The following THSD4 variants were observed in gnomAD, a reference collection of about 807,000 sequenced individuals.
THSD4 encodes thrombospondin type 1 domain containing 4.
A neutral mutation model predicts 119.0 loss-of-function variants in THSD4; 69 were observed. The ratio of observed to expected loss-of-function variants is 0.58; its 90% CI spans 0.48 to 0.71. THSD4 has a LOEUF of 0.71. Among genes scored for constraint, THSD4 ranks in the 30% least tolerant of loss-of-function variants. The pLI is 0.00. For synonymous variants in THSD4, 524 were observed against 540.4 expected (o/e 0.97, Z 0.42); for missense variants, 1,393 against 1,391.1 (o/e 1.00, Z -0.02).
chr15:71,514,781 T>C (rs1201589984), intron 7 of THSD4, among the ~76,000 whole-genome samples: 2 of 152,204 alleles, frequency 1.3e-5, no homozygotes, highest in Non-Finnish European at 2.9e-5. Context: ...AAAAATGGGA[T>C]CATATACTAT....
rs1595906604 is a variant in THSD4 at position 71,587,007 on chromosome 15, T to C, written c.1153-73523T>C. On this transcript the variant is annotated intron_variant, in intron 7 of 17. Transcript: ENST00000261862. ...ATAGCTGTGATCTCATTTTCTCTTT[T>C]AAAAACCAAAAAACATGCTCATCAT... Among the ~76,000 whole-genome samples, 4 of 152,204 alleles carry C rather than the reference T, an allele frequency of 2.6e-5. 1 individual carries two copies. The highest frequency in any genetic ancestry group is 9.6e-5 in the African/African-American group (4 of 41,532).
intron 3 of THSD4, among the ~76,000 whole-genome samples, chr15:71,194,355 C>G (rs1348119425): frequency 6.6e-6 from 1 of 152,198 alleles, no homozygotes; most frequent in South Asian, 2.1e-4. Context: ...GTTGCCTCCT[C>G]CAGCTTTGCC....
intron 7 of THSD4, among the ~76,000 whole-genome samples, chr15:71,490,810 A>G (rs2047906934): frequency 6.6e-6 from 1 of 152,308 alleles, no homozygotes; most frequent in African/African-American, 2.4e-5. Context: ...GTCTACTGCT[A>G]CCTGTTTCGG....
intron 8 of THSD4, among the ~76,000 whole-genome samples, chr15:71,682,920 CTTTT>C (rs71154794): frequency 1.9e-5 from 1 of 53,528 alleles, no homozygotes; most frequent in African/African-American, 6.2e-5. Context: ...TCTTCTTCTT[CTTTT>C]TTTTTTTTTT....
rs1409616867 is a variant in THSD4 at position 71,544,352 on chromosome 15, T to C, written c.1153-116178T>C. 2.0e-5 allele frequency among the ~76,000 whole-genome samples: 3 copies of C among 152,190 alleles called. No homozygotes were observed. In the East Asian group the frequency reaches 5.8e-4, roughly 29 times the overall value. ...AAAGTTTTTAAAATAATTTTAGTAA[T>C]ACTGGGCTCATAGTGCTCAACGAAT... On this transcript the variant is annotated intron_variant, in intron 7 of 17. Coordinates refer to ENST00000261862, the MANE Select transcript of THSD4 (RefSeq NM_024817.3).
chr15:71,265,417 C>G (rs972897909), intron 6 of THSD4, among the ~76,000 whole-genome samples: 4 of 152,116 alleles, frequency 2.6e-5, no homozygotes, highest in African/African-American at 7.2e-5. Flanking sequence ...ATGGTGCACT[C>G]TAGCCCAGAT....
At chr15:71,249,075 C>A (rs943078727) in intron 5 of THSD4, among the ~76,000 whole-genome samples, 6 of 152,108 alleles carry the variant, frequency 3.9e-5, no homozygotes, top group Admixed American at 2.6e-4. Flanking sequence ...GGAATTTCCA[C>A]AGAAAATTCT....
At chr15:71,452,719 G>T (rs12324910) in intron 7 of THSD4, among the ~76,000 whole-genome samples, 1,568 of 152,182 alleles carry the variant, frequency 0.01, 23 homozygotes, top group African/African-American at 0.037. Flanking sequence ...GGGTTCAAGT[G>T]ATTCTCATGC....
At chr15:71,659,102 A>C (rs574254097) in intron 7 of THSD4, among the ~76,000 whole-genome samples, 78 of 152,348 alleles carry the variant, frequency 5.1e-4, no homozygotes, top group African/African-American at 1.7e-3. Flanking sequence ...TGATTATTGC[A>C]CTTAGAATTC....
Position 71,779,278 on chromosome 15 carries a change from G to C in THSD4, c.*1904G>C, listed in dbSNP as rs1435818072. The C allele has an allele frequency of 6.6e-6, 1 of 152,172 alleles. No individual in the cohort carries two copies. The highest frequency in any genetic ancestry group is 1.5e-5 in the Non-Finnish European group (1 of 68,058). 9.4% of individuals were successfully genotyped at this position (152,172 alleles called of 1,614,324 possible). A position where few individuals can be genotyped will look rare whatever the true frequency, so the allele number is the denominator to read the frequency against. ...TGGCAGAGGCCCAGGCTCCCAAACC[G>C]ACAAAGTGAAAAGAGACCAGAGAGG... On this transcript the variant is annotated 3_prime_UTR_variant, in exon 18 of 18. Coordinates refer to ENST00000261862, the MANE Select transcript of THSD4 (RefSeq NM_024817.3).
At chr15:71,711,203 T>A (rs536628730) in intron 8 of THSD4, among the ~76,000 whole-genome samples, 1 of 151,696 alleles carries the variant, frequency 6.6e-6, no homozygotes, top group Admixed American at 6.6e-5. Flanking sequence ...TTGTGTTTGT[T>A]TGGTTTCAGA....
intron 7 of THSD4, 100 bp downstream of exon 7, chr15:71,411,923 G>C: frequency 6.6e-7 from 1 of 1,505,282 alleles, no homozygotes; most frequent in Non-Finnish European, 9.1e-7. Flanking sequence ...GCTCCCCCCA[G>C]CCCACGTCAG....
intron 7 of THSD4, among the ~76,000 whole-genome samples, chr15:71,471,344 T>C (rs1445554161): frequency 6.6e-6 from 1 of 152,154 alleles, no homozygotes; most frequent in South Asian, 2.1e-4. Context: ...GTTTCCAGAA[T>C]GTCTGTGCCT....
chr15:71,372,623 T>G (rs1282478755), intron 6 of THSD4, among the ~76,000 whole-genome samples: 1 of 152,258 alleles, frequency 6.6e-6, no homozygotes, highest in Non-Finnish European at 1.5e-5. Context: ...TGTTGCTGCC[T>G]GATTGTTCCT....
chr15:71,692,213 G>A (rs114751830), intron 8 of THSD4, among the ~76,000 whole-genome samples: 1,699 of 152,294 alleles, frequency 0.011, 35 homozygotes, highest in African/African-American at 0.039. Context: ...GTATGTGCAC[G>A]TGTACGTTAA....
At chr15:71,100,442 T>C (rs2040249361) in intron 1 of THSD4, among the ~76,000 whole-genome samples, 1 of 152,124 alleles carries the variant, frequency 6.6e-6, no homozygotes, top group African/African-American at 2.4e-5. Context: ...CTTGCAAGCT[T>C]AGAATCAGAT....
chr15:71,702,548 T>C (rs1314788577), intron 8 of THSD4, among the ~76,000 whole-genome samples: 2 of 152,170 alleles, frequency 1.3e-5, no homozygotes, highest in African/African-American at 4.8e-5. Flanking sequence ...GCCCCTCCTA[T>C]GCAGAATGTT....
At chr15:71,509,919 A>AT (rs1011002778) in intron 7 of THSD4, among the ~76,000 whole-genome samples, 10 of 152,136 alleles carry the variant, frequency 6.6e-5, no homozygotes, top group African/African-American at 9.6e-5. Context: ...TTTAAAAAGA[A>AT]TTTTTTTTCT....
intron 6 of THSD4, among the ~76,000 whole-genome samples, chr15:71,266,788 C>T (rs1264520544): frequency 6.6e-6 from 1 of 151,730 alleles, no homozygotes; most frequent in Non-Finnish European, 1.5e-5. Context: ...GAGCTGAAAA[C>T]CACAGCACAA....
Sources: gnomAD v4.1 joint callset for allele counts (sites outside exome capture counted in the v4.1 genomes callset) on GRCh38, gnomAD v4.1.1 for gene constraint, MANE v1.5 for transcripts, NCBI Gene and HGNC (gene_info 2026-07-23, HGNC 2026-07-21) for gene names.